The following TRAPPC9 variants were observed in gnomAD, a reference collection of about 807,000 sequenced individuals.
TRAPPC9 encodes the protein IKK2 binding protein.
In TRAPPC9, 83 loss-of-function variants were observed where a neutral mutation model predicts 124.0. The ratio of observed to expected loss-of-function variants is 0.67; its 90% CI spans 0.56 to 0.80. The LOEUF (loss-of-function observed/expected upper bound fraction) is 0.80, where lower values mean the gene tolerates loss of function less well. TRAPPC9 is among the 30% of genes least tolerant of loss of function. The pLI is 0.00. For missense variants in TRAPPC9, 1,302 were observed against 1,508.3 expected (o/e 0.86, Z 2.27); for synonymous variants, 638 against 617.5 (o/e 1.03, Z -0.49).
chr8:139,753,365 TCAA>T (rs1021920629), intron 21 of TRAPPC9, among the ~76,000 whole-genome samples: 8 of 151,096 alleles, frequency 5.3e-5, no homozygotes, highest in African/African-American at 1.7e-4. Context: ...CATTCATCCA[TCAA>T]CAACTACCCA....
At chr8:140,050,497 A>G (rs1447179802) in intron 17 of TRAPPC9, among the ~76,000 whole-genome samples, 1 of 150,078 alleles carries the variant, frequency 6.7e-6, no homozygotes, top group African/African-American at 2.5e-5. Context: ...CCCAACTCCC[A>G]CCCCAGGTCC....
chr8:140,127,287 A>G (rs2061116474), intron 17 of TRAPPC9, among the ~76,000 whole-genome samples: 1 of 152,244 alleles, frequency 6.6e-6, no homozygotes. Context: ...GGCTCAGGAC[A>G]TATTTATCCA....
intron 9 of TRAPPC9, among the ~76,000 whole-genome samples, chr8:140,352,007 T>C (rs2067597550): frequency 6.6e-6 from 1 of 152,116 alleles, no homozygotes; most frequent in Non-Finnish European, 1.5e-5. Context: ...CCCCATACCC[T>C]TTAGCCATCG....
chr8:140,155,074 A>C (rs2061605676), intron 17 of TRAPPC9, among the ~76,000 whole-genome samples: 1 of 152,196 alleles, frequency 6.6e-6, no homozygotes, highest in Non-Finnish European at 1.5e-5. Context: ...GCCGAGGCTC[A>C]ATAAATATCT....
chr8:140,261,030 G>C (rs890721896), intron 15 of TRAPPC9, among the ~76,000 whole-genome samples: 5 of 152,208 alleles, frequency 3.3e-5, no homozygotes, highest in Non-Finnish European at 7.3e-5. Context: ...CCAGCTCTTT[G>C]AACATGGGCA....
At position 140,171,864 on chromosome 8, in the gene TRAPPC9, G is replaced by A. The variant is rs561101350; in HGVS notation, c.2556+49595C>T. 3.3e-5 allele frequency among the ~76,000 whole-genome samples: 5 copies of A among 152,334 alleles called. No individual in the cohort carries two copies. In the East Asian group the frequency reaches 9.6e-4, roughly 29 times the overall value. ...GTATGGCCGCACCAACCAAGGCACTGTGCAGGAATCACCGAGGGTGCTAGG... is the reference window on the plus strand; with the variant it reads ...GTATGGCCGCACCAACCAAGGCACTATGCAGGAATCACCGAGGGTGCTAGG... On this transcript the variant is annotated intron_variant, in intron 17 of 22. Transcript: ENST00000438773.
chr8:140,048,874 G>A (rs565042382), intron 17 of TRAPPC9, among the ~76,000 whole-genome samples: 27 of 152,252 alleles, frequency 1.8e-4, no homozygotes, highest in Admixed American at 3.9e-4. Flanking sequence ...CAACCAGTTC[G>A]TCAGTACCAC....
rs369963041 is a variant in TRAPPC9 at position 139,811,833 on chromosome 8, T to C, written c.3055+74046A>G. Reference sequence around the variant, plus strand: ...ATATATTTTTTTGGACATGCAATATTTCAAAAACATTTTTTTCCTATGCAC... The same window carrying C: ...ATATATTTTTTTGGACATGCAATATCTCAAAAACATTTTTTTCCTATGCAC... On this transcript the variant is annotated intron_variant, in intron 21 of 22. Transcript: ENST00000438773. Among the ~76,000 whole-genome samples, 4 of 152,278 alleles carry C rather than the reference T, an allele frequency of 2.6e-5. No homozygotes were observed. The South Asian group carries it at 6.2e-4, about 24-fold the overall frequency.
intron 21 of TRAPPC9, among the ~76,000 whole-genome samples, chr8:139,803,729 G>A (rs375225990): frequency 9.9e-5 from 15 of 152,156 alleles, no homozygotes; most frequent in African/African-American, 2.2e-4. Context: ...GCTGTTCCCC[G>A]GAGTCACTGG....
At chr8:139,928,646 C>T (rs1040314908) in intron 19 of TRAPPC9, among the ~76,000 whole-genome samples, 6 of 151,778 alleles carry the variant, frequency 4.0e-5, no homozygotes, top group South Asian at 2.1e-4. Flanking sequence ...TGGGTGAGTG[C>T]GTGGCTGGGA....
At chr8:139,917,594 C>T (rs1832233921) in intron 19 of TRAPPC9, among the ~76,000 whole-genome samples, 1 of 152,230 alleles carries the variant, frequency 6.6e-6, no homozygotes, top group Admixed American at 6.5e-5. Context: ...ATGGCGCCCC[C>T]GTCCCCCGGG....
intron 17 of TRAPPC9, among the ~76,000 whole-genome samples, chr8:140,183,430 A>G (rs1405520714): frequency 6.6e-6 from 1 of 152,228 alleles, no homozygotes; most frequent in Non-Finnish European, 1.5e-5. Context: ...ATGCTATTAA[A>G]AACTACCAAG....
At chr8:140,075,907 T>G (rs1039364782) in intron 17 of TRAPPC9, among the ~76,000 whole-genome samples, 21 of 152,258 alleles carry the variant, frequency 1.4e-4, no homozygotes, top group African/African-American at 5.1e-4. Flanking sequence ...TTGCAGTTAC[T>G]GATTTGAAGC....
chr8:139,914,859 T>C (rs945202055), intron 19 of TRAPPC9: 4 of 152,238 alleles, frequency 2.6e-5, no homozygotes, highest in African/African-American at 9.6e-5. Flanking sequence ...GGACGGCACA[T>C]CCCTCCTCGT....
chr8:140,450,816 G>T lies in TRAPPC9; in HGVS notation c.558C>A (p.Asp186Glu), dbSNP rs1203093555. 1.2e-6 allele frequency: 2 copies of T among 1,611,688 alleles called. No individual in the cohort carries two copies. The highest frequency in any genetic ancestry group is 2.7e-5 in the African/African-American group (2 of 75,008). Residue 186 changes from aspartate to glutamate, a missense_variant, in exon 2 of 23, where the codon GAC (aspartate) becomes GAA (glutamate). Asp to Glu is a conservative substitution (Grantham distance 45). This residue lies in a region of TRAPPC9 where 657 missense variants were observed against 811.2 expected (regional missense o/e 0.81). Coordinates refer to ENST00000438773, the MANE Select transcript of TRAPPC9 (RefSeq NM_001160372.4). ...PLLCVPFEKK[D>E]FVGLDTDSRH... ...TGCTGTCTGTGTCCAGTCCTACAAAGTCCTTTTTCTCAAACGGGACACAGA... is the reference window on the plus strand; with the variant it reads ...TGCTGTCTGTGTCCAGTCCTACAAATTCCTTTTTCTCAAACGGGACACAGA...
In TRAPPC9 at chr8:140,257,666, A is replaced by G. The variant is rs1362111684; in HGVS notation, c.2279-4737T>C. On this transcript the variant is annotated intron_variant, in intron 15 of 22. Coordinates refer to ENST00000438773, the MANE Select transcript of TRAPPC9 (RefSeq NM_001160372.4). This position sits in a 1 kb window ranked among gnomAD's most constrained non-coding sequence, Gnocchi z 4.6. ...CAGAACTCTGCCCCATCGTGTGCCT[A>G]CTACTGGAAATGTCTTCCCCTACCT... Among the ~76,000 whole-genome samples, 1 of 152,138 alleles carries G rather than the reference A, an allele frequency of 6.6e-6. No homozygotes were observed. Among genetic ancestry groups the G allele is most frequent in the East Asian group, 1.9e-4 (1 of 5,184 alleles).
At chr8:140,268,091 TAG>T (rs1256645376) in intron 15 of TRAPPC9, among the ~76,000 whole-genome samples, 1 of 151,954 alleles carries the variant, frequency 6.6e-6, no homozygotes, top group Admixed American at 6.6e-5. Context: ...GCAGACATTT[TAG>T]AGACAGTTAA....
intron 17 of TRAPPC9, among the ~76,000 whole-genome samples, chr8:140,038,499 A>C (rs1453983477): frequency 6.6e-5 from 10 of 152,238 alleles, no homozygotes; most frequent in Non-Finnish European, 2.9e-5. Flanking sequence ...CATCTGGAAA[A>C]TACCTGCAGC....
intron 12 of TRAPPC9, 79 bp from the exon 13 acceptor site, chr8:140,287,813 T>G (rs1040906033): frequency 1.3e-6 from 2 of 1,587,210 alleles, no homozygotes; most frequent in Non-Finnish European, 8.6e-7. Flanking sequence ...CTTAAGACAT[T>G]GGCTATGGCA....
Sources: gnomAD v4.1 joint callset for allele counts (sites outside exome capture counted in the v4.1 genomes callset) on GRCh38, gnomAD v4.1.1 for gene constraint, gnomAD v4.1.1 regional missense constraint, Gnocchi (gnomAD v3.1) non-coding constraint, MANE v1.5 for transcripts, NCBI Gene and HGNC (gene_info 2026-07-23, HGNC 2026-07-21) for gene names.